The following NRXN3 variants were observed in gnomAD, a reference collection of about 807,000 sequenced individuals.
NRXN3 encodes the protein neurexin 3.
NRXN3 carries 32 observed loss-of-function variants against 137.6 expected under a neutral mutation model. That is an observed-to-expected ratio of 0.23 (90% CI 0.18 to 0.31). NRXN3 has a LOEUF of 0.31. NRXN3 is among the 10% of genes least tolerant of loss of function. The probability of loss-of-function intolerance (pLI) is 1.00; values close to 1 mark genes in which losing one functional copy is unlikely to be tolerated. For missense variants in NRXN3, 1,574 were observed against 2,062.5 expected (o/e 0.76, Z 4.59); for synonymous variants, 798 against 784.5 (o/e 1.02, Z -0.29).
intron 14 of NRXN3, among the ~76,000 whole-genome samples, chr14:78,968,630 T>G (rs1472131626): frequency 1.3e-5 from 2 of 152,246 alleles, no homozygotes; most frequent in Non-Finnish European, 2.9e-5. Flanking sequence ...ACATCAGGCT[T>G]CTTTCAATGT....
chr14:79,708,169 G>GTGTC (rs2098788665), intron 19 of NRXN3, among the ~76,000 whole-genome samples: 1 of 152,010 alleles, frequency 6.6e-6, no homozygotes, highest in Non-Finnish European at 1.5e-5. Flanking sequence ...TTAAAAAATT[G>GTGTC]TGTCTGTACT....
intron 6 of NRXN3, among the ~76,000 whole-genome samples, chr14:78,676,110 G>A (rs955791878): frequency 6.6e-6 from 1 of 151,996 alleles, no homozygotes; most frequent in Non-Finnish European, 1.5e-5. Flanking sequence ...CAATAATATT[G>A]ACATTAGGCC....
At chr14:79,229,169 A>G (rs2071649320) in intron 15 of NRXN3, among the ~76,000 whole-genome samples, 1 of 152,178 alleles carries the variant, frequency 6.6e-6, no homozygotes, top group Admixed American at 6.6e-5. Context: ...TCTTAAATAT[A>G]GAATGTTTCT....
intron 19 of NRXN3, among the ~76,000 whole-genome samples, chr14:79,712,969 T>C (rs931948087): frequency 6.6e-6 from 1 of 152,272 alleles, no homozygotes; most frequent in African/African-American, 2.4e-5. Flanking sequence ...GTAAAATCAT[T>C]GAGACATTGC....
chr14:79,324,010 TTTG>T (rs1239157225), intron 15 of NRXN3, among the ~76,000 whole-genome samples: 1 of 152,218 alleles, frequency 6.6e-6, no homozygotes, highest in Admixed American at 6.5e-5. Flanking sequence ...GCAGAAAATA[TTTG>T]TTAAGCACGA....
intron 15 of NRXN3, among the ~76,000 whole-genome samples, chr14:79,362,787 C>T (rs1392890273): frequency 6.6e-6 from 1 of 152,208 alleles, no homozygotes; most frequent in Non-Finnish European, 1.5e-5. Context: ...AGCAAATTAA[C>T]ACAGTTCCAG....
At chr14:79,711,559 A>C (rs1364709032) in intron 19 of NRXN3, among the ~76,000 whole-genome samples, 1 of 152,004 alleles carries the variant, frequency 6.6e-6, no homozygotes, top group East Asian at 1.9e-4. Context: ...GGCTCAAGTG[A>C]TCCTCCTGCG....
At chr14:78,172,655 G>T (rs867445272) in intron 1 of NRXN3, among the ~76,000 whole-genome samples, 3 of 152,146 alleles carry the variant, frequency 2.0e-5, no homozygotes, top group Admixed American at 6.5e-5. Context: ...TTCTGGAAGG[G>T]GGGGAAAAGG....
At chr14:79,404,899 G>A (rs2095279532) in intron 15 of NRXN3, among the ~76,000 whole-genome samples, 2 of 152,202 alleles carry the variant, frequency 1.3e-5, no homozygotes, top group African/African-American at 4.8e-5. Flanking sequence ...CCGTGTGTTC[G>A]TGCACACATA....
chr14:78,739,280 A>G (rs1258599806), intron 8 of NRXN3, among the ~76,000 whole-genome samples: 4 of 152,264 alleles, frequency 2.6e-5, no homozygotes, highest in Non-Finnish European at 5.9e-5. Flanking sequence ...CCGCTATGGA[A>G]TATAGTCCAT....
chr14:79,325,123 CT>C (rs958851960), intron 15 of NRXN3, among the ~76,000 whole-genome samples: 9 of 151,948 alleles, frequency 5.9e-5, no homozygotes, highest in African/African-American at 2.2e-4. Context: ...TCCTACTTTT[CT>C]TTTTTTTCTG....
chr14:78,505,568 C>A (rs770414072), intron 4 of NRXN3, among the ~76,000 whole-genome samples: 1 of 152,000 alleles, frequency 6.6e-6, no homozygotes, highest in Non-Finnish European at 1.5e-5. Context: ...GCTAGATGAG[C>A]AAGATGATAA....
chr14:79,492,637 C>T (rs1476084764), intron 16 of NRXN3, among the ~76,000 whole-genome samples: 1 of 152,162 alleles, frequency 6.6e-6, no homozygotes, highest in Non-Finnish European at 1.5e-5. Context: ...CTGCCTTGTC[C>T]TCCCAAAGTG....
chr14:78,345,060 G>T (rs756728045), intron 4 of NRXN3, among the ~76,000 whole-genome samples: 1 of 152,192 alleles, frequency 6.6e-6, no homozygotes, highest in Admixed American at 6.5e-5. Context: ...AAAGGGAATT[G>T]TGAGATGTCT....
At chr14:79,709,520 C>A (rs1789964375) in intron 19 of NRXN3, among the ~76,000 whole-genome samples, 1 of 152,146 alleles carries the variant, frequency 6.6e-6, no homozygotes, top group African/African-American at 2.4e-5. Context: ...TATTTATCCC[C>A]CTTTCTGAGA....
chr14:78,297,982 C>A, intron 4 of NRXN3, 122 bp downstream of exon 4: 1 of 1,182,314 alleles, frequency 8.5e-7, no homozygotes, highest in Non-Finnish European at 1.2e-6. Flanking sequence ...CTGCGCTGGG[C>A]CAGGCTGGCT....
chr14:79,745,851 C>T (rs2098978132), intron 19 of NRXN3, among the ~76,000 whole-genome samples: 1 of 152,048 alleles, frequency 6.6e-6, no homozygotes, highest in South Asian at 2.1e-4. Context: ...TGCTTAACTC[C>T]AACCTCTTTC....
At chr14:79,586,204 T>C (rs1481150610) in intron 16 of NRXN3, among the ~76,000 whole-genome samples, 1 of 152,250 alleles carries the variant, frequency 6.6e-6, no homozygotes, top group Non-Finnish European at 1.5e-5. Context: ...ATTATTTGTT[T>C]GAACAAATGT....
In NRXN3 at chr14:78,575,655, G is replaced by C. The variant is rs149610910; in HGVS notation, c.758-69465G>C. On this transcript the variant is annotated intron_variant, in intron 4 of 20. Coordinates refer to ENST00000335750, the MANE Select transcript of NRXN3 (RefSeq NM_001330195.2). ...TTTATATTCTAATGGCGAGTCATAA[G>C]TAATCTACAAAATAAATAAATATAC... is the stretch of plus-strand genomic sequence containing the variant. Among the ~76,000 whole-genome samples the C allele has an allele frequency of 3.8e-3, 586 of 152,286 alleles. 2 individuals are homozygous for C. The highest frequency in any genetic ancestry group is 0.013 in the African/African-American group (555 of 41,566).
Sources: gnomAD v4.1 joint callset for allele counts (sites outside exome capture counted in the v4.1 genomes callset) on GRCh38, gnomAD v4.1.1 for gene constraint, MANE v1.5 for transcripts, NCBI Gene and HGNC (gene_info 2026-07-23, HGNC 2026-07-21) for gene names.